The following AUTS2 variants were observed in gnomAD, a reference collection of about 807,000 sequenced individuals.
The protein encoded by AUTS2 is activator of transcription and developmental regulator AUTS2, also known as autism susceptibility gene 2 protein.
AUTS2 carries 17 observed loss-of-function variants against 112.4 expected under a neutral mutation model. That is an observed-to-expected ratio of 0.15 (90% CI 0.10 to 0.23). AUTS2 has a LOEUF of 0.23. Ranked by LOEUF, AUTS2 falls within the 10% of genes least tolerant of loss-of-function variation. The pLI is 1.00. For missense variants in AUTS2, 1,510 were observed against 1,701.6 expected, an observed-to-expected ratio of 0.89 and a Z score of 1.98; for synonymous variants, 751 against 702.7, an observed-to-expected ratio of 1.07 and a Z score of -1.09.
At chr7:70,217,753 G>A (rs886238301) in intron 4 of AUTS2, among the ~76,000 whole-genome samples, 2 of 152,130 alleles carry the variant, frequency 1.3e-5, no homozygotes, top group African/African-American at 2.4e-5. Context: ...GTTATGATGC[G>A]ATTTCCTGAT....
intron 5 of AUTS2, among the ~76,000 whole-genome samples, chr7:70,691,942 G>A (rs555776145): frequency 1.3e-4 from 19 of 150,604 alleles, no homozygotes; most frequent in South Asian, 4.2e-4. Context: ...GTGGCATGGC[G>A]TGATCTCGGC....
chr7:69,776,556 C>CA (rs993308347), intron 1 of AUTS2, among the ~76,000 whole-genome samples: 6 of 152,100 alleles, frequency 3.9e-5, no homozygotes, highest in African/African-American at 1.2e-4. Flanking sequence ...AGTGAGACTA[C>CA]AGGTGCACGC....
At chr7:69,930,553 A>G (rs1317857342) in intron 2 of AUTS2, among the ~76,000 whole-genome samples, 1 of 151,968 alleles carries the variant, frequency 6.6e-6, no homozygotes, top group African/African-American at 2.4e-5. Context: ...CTTGAAAACC[A>G]TTGTTCATAT....
At chr7:70,536,370 G>A (rs550585757) in intron 5 of AUTS2, among the ~76,000 whole-genome samples, 3 of 152,106 alleles carry the variant, frequency 2.0e-5, no homozygotes, top group East Asian at 1.9e-4. Context: ...TATTGTATGC[G>A]CCTTTGCCCT....
At chr7:70,690,713 A>G (rs1436684763) in intron 5 of AUTS2, among the ~76,000 whole-genome samples, 2 of 152,226 alleles carry the variant, frequency 1.3e-5, no homozygotes, top group Admixed American at 1.3e-4. Flanking sequence ...CTGTAATCCC[A>G]GTACTTTGGG....
chr7:70,228,263 C>T (rs1194583772), intron 4 of AUTS2, among the ~76,000 whole-genome samples: 1 of 151,648 alleles, frequency 6.6e-6, no homozygotes, highest in African/African-American at 2.4e-5. Flanking sequence ...TATTAAACTA[C>T]ATTTATTGTT....
intron 2 of AUTS2, among the ~76,000 whole-genome samples, chr7:69,912,870 C>T (rs779042040): frequency 6.6e-5 from 10 of 152,162 alleles, no homozygotes; most frequent in African/African-American, 1.2e-4. Context: ...TGGTTCTTTT[C>T]GGTAAACTTT....
At chr7:70,282,530 G>A (rs946002835) in intron 4 of AUTS2, among the ~76,000 whole-genome samples, 1 of 151,986 alleles carries the variant, frequency 6.6e-6, no homozygotes, top group Non-Finnish European at 1.5e-5. Flanking sequence ...AGCTCCTAGG[G>A]CCTTTTTTCT....
chr7:70,337,025 T>C (rs983536078), intron 4 of AUTS2, among the ~76,000 whole-genome samples: 6 of 152,224 alleles, frequency 3.9e-5, no homozygotes, highest in African/African-American at 1.4e-4. Context: ...CCTTGAAGAC[T>C]TAAAACTCAG....
chr7:69,881,315 G>T (rs535004694), intron 1 of AUTS2, among the ~76,000 whole-genome samples: 6 of 151,776 alleles, frequency 4.0e-5, no homozygotes, highest in African/African-American at 1.5e-4. Context: ...TAAGCCTTGT[G>T]TGGGAAGATT....
intron 2 of AUTS2, among the ~76,000 whole-genome samples, chr7:69,966,782 C>T (rs1797651173): frequency 1.3e-5 from 2 of 152,102 alleles, no homozygotes; most frequent in South Asian, 4.1e-4. Flanking sequence ...ATCTCGTAAA[C>T]TGAGTGCTGA....
intron 5 of AUTS2, among the ~76,000 whole-genome samples, chr7:70,547,373 G>A (rs532385546): frequency 1.3e-5 from 2 of 152,258 alleles, no homozygotes; most frequent in African/African-American, 4.8e-5. Context: ...TCCTGTTTCA[G>A]CCTTCCAAGT....
chr7:69,940,254 A>G (rs1796573195), intron 2 of AUTS2, among the ~76,000 whole-genome samples: 1 of 152,198 alleles, frequency 6.6e-6, no homozygotes, highest in Non-Finnish European at 1.5e-5. Flanking sequence ...GAGAGTTGAC[A>G]AATCCTCTGA....
chr7:70,328,733 C>G (rs368045612), intron 4 of AUTS2, among the ~76,000 whole-genome samples: 1 of 151,984 alleles, frequency 6.6e-6, no homozygotes, highest in African/African-American at 2.4e-5. Context: ...GTTTATGATG[C>G]AAGATTTAAG....
Position 70,748,073 on chromosome 7 carries a change from C to T in AUTS2, c.743-14797C>T, listed in dbSNP as rs1328083846. Among the ~76,000 whole-genome samples, 10 of 151,224 alleles carry T rather than the reference C, an allele frequency of 6.6e-5. No homozygotes were observed. In the South Asian group the frequency reaches 1.1e-3, roughly 16 times the overall value. ...TCAATCTCCTGACCTCGTGATCCGCCCGTCTCAGCCTCCCAAAGTGCTAGG... is the reference window on the plus strand; with the variant it reads ...TCAATCTCCTGACCTCGTGATCCGCTCGTCTCAGCCTCCCAAAGTGCTAGG... On this transcript the variant is annotated intron_variant, in intron 6 of 18. Transcript: ENST00000342771.
intron 1 of AUTS2, among the ~76,000 whole-genome samples, chr7:69,738,433 C>G (rs545520379): frequency 6.6e-6 from 1 of 152,286 alleles, no homozygotes; most frequent in South Asian, 2.1e-4. Flanking sequence ...GGGTAAAACT[C>G]TTCGAAAGAG....
At chr7:70,032,966 A>G (rs889325519) in intron 2 of AUTS2, among the ~76,000 whole-genome samples, 16 of 152,214 alleles carry the variant, frequency 1.1e-4, no homozygotes, top group African/African-American at 2.7e-4. Flanking sequence ...TTTGTATTAA[A>G]TATCCAGAAT....
chr7:70,478,922 TA>T (rs1422682126), intron 5 of AUTS2, among the ~76,000 whole-genome samples: 1 of 152,186 alleles, frequency 6.6e-6, no homozygotes, highest in Non-Finnish European at 1.5e-5. Context: ...AAGTGGAGAT[TA>T]GATGTTATGT....
chr7:69,870,463 A>ATATATATATATATATATATG (rs1291290430), intron 1 of AUTS2, among the ~76,000 whole-genome samples: 1 of 141,518 alleles, frequency 7.1e-6, no homozygotes, highest in East Asian at 2.1e-4. Flanking sequence ...ATATATATAT[A>ATATATATATATATATATATG]TATGTATTCA....
Sources: allele counts gnomAD v4.1 joint callset (sites outside exome capture counted in the v4.1 genomes callset), GRCh38; gene constraint gnomAD v4.1.1; transcripts MANE v1.5; gene names NCBI Gene and HGNC (gene_info 2026-07-23, HGNC 2026-07-21).